Variants in DNAL1 observed in about 807,000 individuals in gnomAD.
DNAL1 encodes the protein dynein axonemal light chain 1.
In DNAL1, 17 loss-of-function variants were observed where a neutral mutation model predicts 29.4. The observed-to-expected ratio is 0.58, with a 90% CI of 0.40 to 0.87. DNAL1 has a LOEUF of 0.87. Among genes scored for constraint, DNAL1 ranks in the 40% least tolerant of loss-of-function variants. DNAL1 has a pLI of 0.00. For synonymous variants in DNAL1, 78 were observed against 76.3 expected (o/e 1.02, Z -0.12); for missense variants, 188 against 214.1 (o/e 0.88, Z 0.76).
intron 5 of DNAL1, among the ~76,000 whole-genome samples, chr14:73,681,165 A>T (rs1891866073): frequency 6.8e-6 from 1 of 146,806 alleles, no homozygotes. Flanking sequence ...ACGGAGTCTC[A>T]CTCTGTCACT....
chr14:73,654,721 T>C (rs1398128184), intron 1 of DNAL1, 126 bp from the exon 2 acceptor site: 12 of 811,238 alleles, frequency 1.5e-5, no homozygotes, highest in Non-Finnish European at 2.1e-5. Flanking sequence ...ATCATGCCAT[T>C]GCACTCCAGC....
chr14:73,691,754 C>G (rs112981698), intron 7 of DNAL1, among the ~76,000 whole-genome samples: 1 of 151,306 alleles, frequency 6.6e-6, no homozygotes, highest in African/African-American at 2.4e-5. Context: ...AATACAATGG[C>G]GCAATCTTGG....
intron 5 of DNAL1, among the ~76,000 whole-genome samples, chr14:73,685,336 T>G (rs1477191086): frequency 2.0e-5 from 3 of 152,180 alleles, no homozygotes; most frequent in African/African-American, 7.2e-5. Context: ...TTAACTACTC[T>G]AGGTATTTCA....
At chr14:73,669,384 C>T (rs1365216202) in intron 4 of DNAL1, among the ~76,000 whole-genome samples, 1 of 152,114 alleles carries the variant, frequency 6.6e-6, no homozygotes, top group Non-Finnish European at 1.5e-5. Flanking sequence ...TCAAGCGATT[C>T]TCCTGCCTCA....
intron 1 of DNAL1, among the ~76,000 whole-genome samples, chr14:73,648,334 G>A (rs57971191): frequency 0.027 from 3,841 of 143,726 alleles, 146 homozygotes; most frequent in African/African-American, 0.093. Flanking sequence ...CAATCCGAGG[G>A]TGTGTTTTAG....
intron 7 of DNAL1, among the ~76,000 whole-genome samples, chr14:73,690,016 A>G (rs2140061124): frequency 6.8e-6 from 1 of 146,842 alleles, no homozygotes; most frequent in African/African-American, 2.6e-5. Flanking sequence ...AGCCTGGGCA[A>G]AAAAGAGTGA....
rs371347472 is a variant in DNAL1 at position 73,658,715 on chromosome 14, A to G, written c.43-132A>G. The G allele has an allele frequency of 7.9e-4, 451 of 567,672 alleles. No homozygotes were observed. In the African/African-American group the frequency reaches 8.2e-3, roughly 10 times the overall value. The allele number at this position is 567,672 out of a possible 1,614,324, so 35.2% of individuals were successfully genotyped here. A position where few individuals can be genotyped will look rare whatever the true frequency, so the allele number is the denominator to read the frequency against. ...TGTTTTCAATAAGTTAATGGTAAAG[A>G]ATTATTAAACAGTTTGCTAAATTCT... On this transcript the variant is annotated intron_variant, in intron 2 of 7. Coordinates refer to ENST00000553645, the MANE Select transcript of DNAL1 (RefSeq NM_031427.4).
intron 5 of DNAL1, among the ~76,000 whole-genome samples, chr14:73,677,805 C>T (rs1200180030): frequency 6.6e-6 from 1 of 150,920 alleles, no homozygotes; most frequent in Non-Finnish European, 1.5e-5. Flanking sequence ...GATCCGCCCA[C>T]CTTGGCCTCC....
intron 5 of DNAL1, among the ~76,000 whole-genome samples, chr14:73,677,866 A>T (rs12434111): frequency 0.038 from 4,710 of 123,670 alleles, 279 homozygotes; most frequent in African/African-American, 0.15. Context: ...CCATATATTT[A>T]TATATATATA....
At position 73,700,727 on chromosome 14, in the gene DNAL1, T is replaced by C. The variant is rs1892416330; in HGVS notation, c.*4785T>C. On this transcript the variant is annotated 3_prime_UTR_variant, in exon 8 of 8. Transcript: ENST00000553645. ...TTGGTAAAGGAAGAAAACTGCTAAA[T>C]TGCATGTTACCCTTTACTAGAAATT... is the stretch of plus-strand genomic sequence containing the variant. 1 of 152,210 alleles carries C rather than the reference T, an allele frequency of 6.6e-6. No individual in the cohort carries two copies. The highest frequency in any genetic ancestry group is 2.4e-5 in the African/African-American group (1 of 41,462). The allele number at this position is 152,210 out of a possible 1,614,324, so 9.4% of individuals were successfully genotyped here. A position where few individuals can be genotyped will look rare whatever the true frequency, so the allele number is the denominator to read the frequency against.
intron 5 of DNAL1, among the ~76,000 whole-genome samples, chr14:73,685,066 A>G (rs1426124085): frequency 1.3e-5 from 2 of 152,164 alleles, no homozygotes; most frequent in Non-Finnish European, 2.9e-5. Flanking sequence ...GCTGAGAGGA[A>G]CCTTAAAGAA....
intron 5 of DNAL1, among the ~76,000 whole-genome samples, chr14:73,675,638 C>T (rs901031050): frequency 3.9e-5 from 6 of 152,040 alleles, no homozygotes; most frequent in African/African-American, 1.2e-4. Context: ...TTAGCATCTA[C>T]AATAGTGCTT....
intron 4 of DNAL1, among the ~76,000 whole-genome samples, chr14:73,670,271 C>T (rs1165843634): frequency 1.3e-5 from 2 of 152,186 alleles, no homozygotes; most frequent in Admixed American, 1.3e-4. Context: ...TGTCCCAATA[C>T]AGTTGCTACT....
Position 73,689,487 on chromosome 14 carries a change from G to C in DNAL1, c.504G>C (p.Lys168Asn). 5 of 1,586,866 alleles carry C rather than the reference G, an allele frequency of 3.2e-6. No individual in the cohort carries two copies. Among genetic ancestry groups the C allele is most frequent in the Non-Finnish European group, 4.3e-6 (5 of 1,166,252 alleles). Residue 168 changes from lysine (K) to asparagine (N), a missense_variant, in exon 7 of 8, where the codon AAG becomes AAC. Physicochemically the swap from Lys to Asn is moderately conservative, Grantham distance 94. Coordinates refer to ENST00000553645, the MANE Select transcript of DNAL1 (RefSeq NM_031427.4). ...ATAACTGGATTGAAGAAGCAACCAA[G>C]AGAGTGCCCAAACTGAAAAAGCTGG... The part of the protein sequence containing the change: ...AENNWIEEAT[K>N]RVPKLKKLDG...
intron 3 of DNAL1, among the ~76,000 whole-genome samples, chr14:73,660,665 T>C (rs1173565278): frequency 1.3e-5 from 2 of 152,218 alleles, no homozygotes; most frequent in Admixed American, 6.5e-5. Context: ...CATATTTAGC[T>C]TTTGTACGCA....
intron 4 of DNAL1, among the ~76,000 whole-genome samples, chr14:73,664,693 A>ACC (rs35439610): frequency 6.6e-6 from 1 of 151,700 alleles, no homozygotes; most frequent in African/African-American, 2.4e-5. Context: ...ACATAGCGAG[A>ACC]CCCCCATCTC....
chr14:73,646,353 C>G (rs1295881376), intron 1 of DNAL1, among the ~76,000 whole-genome samples: 1 of 152,194 alleles, frequency 6.6e-6, no homozygotes, highest in African/African-American at 2.4e-5. Flanking sequence ...TTACAAAAAC[C>G]AGATGGTGTA....
At chr14:73,673,945 A>G (rs1454861340) in intron 5 of DNAL1, among the ~76,000 whole-genome samples, 1 of 150,808 alleles carries the variant, frequency 6.6e-6, no homozygotes, top group African/African-American at 2.4e-5. Flanking sequence ...GGTTTCTAAT[A>G]TGTTCACATA....
At chr14:73,652,854 CT>C (rs368923741) in intron 1 of DNAL1, among the ~76,000 whole-genome samples, 1 of 152,066 alleles carries the variant, frequency 6.6e-6, no homozygotes, top group Non-Finnish European at 1.5e-5. Flanking sequence ...CAAATTTTGA[CT>C]TTTTTTCTTT....
Sources: gnomAD v4.1 joint callset for allele counts (sites outside exome capture counted in the v4.1 genomes callset) on GRCh38, gnomAD v4.1.1 for gene constraint, MANE v1.5 for transcripts, NCBI Gene and HGNC (gene_info 2026-07-23, HGNC 2026-07-21) for gene names.